The following MOXD1 variants were observed in gnomAD, a reference collection of about 807,000 sequenced individuals.
MOXD1 encodes the protein DBH-like monooxygenase protein 1.
MOXD1 carries 62 observed loss-of-function variants against 66.6 expected under a neutral mutation model. The observed-to-expected ratio is 0.93, with a 90% CI of 0.76 to 1.15. The LOEUF is 1.15. Ranked by LOEUF, MOXD1 falls within the 50% of genes most tolerant of loss-of-function variation. The pLI is 0.00. For synonymous variants in MOXD1, 303 were observed against 281.9 expected (o/e 1.07, Z -0.75); for missense variants, 847 against 754.6 (o/e 1.12, Z -1.44).
Position 132,297,188 on chromosome 6 carries a change from G to T in MOXD1, c.1807C>A (p.Leu603Ile). Residue 603 changes from leucine (L) to isoleucine (I), a missense_variant, in exon 12 of 12, where the codon CTA becomes ATA. By Grantham distance (5) the Leu-to-Ile change is conservative. Coordinates refer to ENST00000367963, the MANE Select transcript of MOXD1 (RefSeq NM_015529.4). Reference sequence around the variant, plus strand: ...TTGGTGCTCAGCGTGCAGCTGAGTAGCAGAAGGCAAACAAGCAAGTTGATG... The same window carrying T: ...TTGGTGCTCAGCGTGCAGCTGAGTATCAGAAGGCAAACAAGCAAGTTGATG... ...FSINLLVCLL[L>I]LSCTLSTKSL 1 of 1,613,546 alleles carries T rather than the reference G, an allele frequency of 6.2e-7. No homozygotes were observed. The highest frequency in any genetic ancestry group is 8.5e-7 in the Non-Finnish European group (1 of 1,179,632).
chr6:132,297,640 C>T, intron 11 of MOXD1, 147 bp downstream of exon 11: 1 of 983,830 alleles, frequency 1.0e-6, no homozygotes, highest in Non-Finnish European at 1.5e-6. Context: ...TTCAGTCAAT[C>T]CAAGTAATCA....
At chr6:132,325,628 A>G (rs1775170630) in intron 6 of MOXD1, among the ~76,000 whole-genome samples, 1 of 152,240 alleles carries the variant, frequency 6.6e-6, no homozygotes, top group Admixed American at 6.5e-5. Context: ...TGTTCATTAT[A>G]AATTACCCAG....
chr6:132,301,888 A>G (rs897509310), intron 10 of MOXD1, among the ~76,000 whole-genome samples: 1 of 152,176 alleles, frequency 6.6e-6, no homozygotes, highest in Non-Finnish European at 1.5e-5. Context: ...AGGTGTTTGA[A>G]TATTATGTTC....
chr6:132,309,998 A>C (rs1336752475), intron 10 of MOXD1, among the ~76,000 whole-genome samples: 2 of 152,238 alleles, frequency 1.3e-5, no homozygotes, highest in Non-Finnish European at 2.9e-5. Context: ...CAAAATTGAC[A>C]AATGGGATCT....
intron 10 of MOXD1, among the ~76,000 whole-genome samples, chr6:132,313,563 A>G (rs1475450425): frequency 6.6e-6 from 1 of 152,122 alleles, no homozygotes; most frequent in South Asian, 2.1e-4. Context: ...CATCATCTGC[A>G]TTTTACCATA....
At chr6:132,398,637 A>G (rs1055962412) in intron 1 of MOXD1, among the ~76,000 whole-genome samples, 9 of 152,172 alleles carry the variant, frequency 5.9e-5, no homozygotes, top group Admixed American at 6.5e-5. Context: ...CAAATATGCT[A>G]CATTTAAGAA....
In MOXD1 at chr6:132,297,973, A is replaced by G. The variant is rs1282696215; in HGVS notation, c.1509-18T>C. 6.3e-7 allele frequency: 1 copy of G among 1,596,340 alleles called. No homozygotes were observed. The highest frequency in any genetic ancestry group is 1.8e-5 in the Admixed American group (1 of 56,506). ...GCCAGGTCCTGAATTTAAAAGACAC[A>G]GTTAGTCATATTCAGAACAAATGCA... On this transcript the variant is annotated intron_variant, in intron 10 of 11. Coordinates refer to ENST00000367963, the MANE Select transcript of MOXD1 (RefSeq NM_015529.4).
intron 1 of MOXD1, among the ~76,000 whole-genome samples, chr6:132,377,224 A>G (rs143092919): frequency 2.6e-5 from 4 of 152,360 alleles, no homozygotes; most frequent in African/African-American, 9.6e-5. Flanking sequence ...AGCAATTTAA[A>G]TGAAATACTC....
At chr6:132,355,964 C>T (rs754246178) in intron 4 of MOXD1, among the ~76,000 whole-genome samples, 26 of 152,164 alleles carry the variant, frequency 1.7e-4, no homozygotes, top group Non-Finnish European at 2.8e-4. Flanking sequence ...ACATCCCGTT[C>T]GGCAAAAAAA....
At chr6:132,386,077 T>C (rs1443647191) in intron 1 of MOXD1, among the ~76,000 whole-genome samples, 41 of 129,708 alleles carry the variant, frequency 3.2e-4, no homozygotes, top group Non-Finnish European at 1.1e-4. Flanking sequence ...CACTCCAGCC[T>C]GGGCGACAGG....
chr6:132,307,188 T>C (rs761487025), intron 10 of MOXD1, among the ~76,000 whole-genome samples: 6 of 150,804 alleles, frequency 4.0e-5, no homozygotes, highest in Non-Finnish European at 8.9e-5. Context: ...ACCAAGCAAA[T>C]TGAAAGAAAA....
At chr6:132,371,007 C>T (rs1471579613) in intron 4 of MOXD1, among the ~76,000 whole-genome samples, 1 of 152,060 alleles carries the variant, frequency 6.6e-6, no homozygotes, top group Non-Finnish European at 1.5e-5. Context: ...TTAGCATTAA[C>T]AATGGCAAGA....
At chr6:132,315,128 T>G (rs1774912388) in intron 10 of MOXD1, among the ~76,000 whole-genome samples, 1 of 152,220 alleles carries the variant, frequency 6.6e-6, no homozygotes, top group South Asian at 2.1e-4. Flanking sequence ...AGTATGGAAT[T>G]TTAGTAAGTG....
chr6:132,391,180 C>T (rs2114693257), intron 1 of MOXD1: 2 of 151,184 alleles, frequency 1.3e-5, no homozygotes, highest in South Asian at 4.3e-4. Flanking sequence ...GAAATATGAG[C>T]TCTTAAGAGG....
chr6:132,366,811 C>T (rs964079055), intron 4 of MOXD1, among the ~76,000 whole-genome samples: 2 of 152,092 alleles, frequency 1.3e-5, no homozygotes, highest in Non-Finnish European at 2.9e-5. Context: ...TGTATTAAGC[C>T]TAACGTTCAT....
chr6:132,360,833 G>A (rs746587701), intron 4 of MOXD1, among the ~76,000 whole-genome samples: 4 of 152,194 alleles, frequency 2.6e-5, no homozygotes, highest in Non-Finnish European at 5.9e-5. Context: ...ATTTACAGGT[G>A]TAGTGTGAAG....
At chr6:132,346,688 A>G (rs921759290) in intron 4 of MOXD1, among the ~76,000 whole-genome samples, 4 of 152,204 alleles carry the variant, frequency 2.6e-5, no homozygotes, top group African/African-American at 9.6e-5. Context: ...TTTAGAACCG[A>G]TAATAAGTCC....
Position 132,401,464 on chromosome 6 carries a change from C to A in MOXD1, c.-38G>T. 6.9e-7 allele frequency: 1 copy of A among 1,456,078 alleles called. No individual in the cohort carries two copies. The highest frequency in any genetic ancestry group is 9.0e-7 in the Non-Finnish European group (1 of 1,110,514). 90.2% of individuals were successfully genotyped at this position (1,456,078 alleles called of 1,614,324 possible). A position where few individuals can be genotyped will look rare whatever the true frequency, so the allele number is the denominator to read the frequency against. ...CCTGCCCGCCGGTACCGGCCTCCAGCCGCTGGGGAGTGAGGAGCAGAACGA... is the reference window on the plus strand; with the variant it reads ...CCTGCCCGCCGGTACCGGCCTCCAGACGCTGGGGAGTGAGGAGCAGAACGA... On this transcript the variant is annotated 5_prime_UTR_variant, in exon 1 of 12. Transcript: ENST00000367963.
rs143926667 is a variant in MOXD1, at chr6:132,386,433, CA to C, written c.265-11657del. On this transcript the variant is annotated intron_variant, in intron 1 of 11. Coordinates refer to ENST00000367963, the MANE Select transcript of MOXD1 (RefSeq NM_015529.4). ...CAAAACAAAACAAAACAAAACAAAA[CA>C]AAAAAAAAAAACAAAAAAAAAACGG... Among the ~76,000 whole-genome samples the C allele has an allele frequency of 2.0e-3, 133 of 65,072 alleles. 3 individuals are homozygous for C. The highest frequency in any genetic ancestry group is 0.019 in the Middle Eastern group (2 of 104). The allele number at this position is 65,072 out of a possible 152,430, so 42.7% of individuals were successfully genotyped here.
Sources: gnomAD v4.1 joint callset for allele counts (sites outside exome capture counted in the v4.1 genomes callset) on GRCh38, gnomAD v4.1.1 for gene constraint, MANE v1.5 for transcripts, NCBI Gene and HGNC (gene_info 2026-07-23, HGNC 2026-07-21) for gene names.